The following L3MBTL4 variants were observed in gnomAD, a reference collection of about 807,000 sequenced individuals.
The protein encoded by L3MBTL4 is lethal(3)malignant brain tumor-like protein 4.
A neutral mutation model predicts 84.5 loss-of-function variants in L3MBTL4; 70 were observed. The observed-to-expected ratio is 0.83, with a 90% CI of 0.68 to 1.01. L3MBTL4 has a LOEUF of 1.01. Among genes scored for constraint, L3MBTL4 ranks in the 50% least tolerant of loss-of-function variants. The pLI, the probability that L3MBTL4 is intolerant of heterozygous loss-of-function variation, is 0.00. For missense variants in L3MBTL4, 715 were observed against 754.8 expected, an observed-to-expected ratio of 0.95 and a Z score of 0.62; for synonymous variants, 274 against 259.8, an observed-to-expected ratio of 1.05 and a Z score of -0.52.
At chr18:5,967,034 G>T (rs529196884) in intron 17 of L3MBTL4, among the ~76,000 whole-genome samples, 1 of 152,032 alleles carries the variant, frequency 6.6e-6, no homozygotes, top group African/African-American at 2.4e-5. Context: ...ACCTCTTCTC[G>T]TCTTATTCTC....
At chr18:6,012,560 C>T (rs1318457170) in intron 16 of L3MBTL4, among the ~76,000 whole-genome samples, 1 of 152,044 alleles carries the variant, frequency 6.6e-6, no homozygotes, top group Non-Finnish European at 1.5e-5. Context: ...CGCAGTGGCT[C>T]ATGCCTATAA....
chr18:6,326,023 G>T (rs77864888), intron 1 of L3MBTL4, among the ~76,000 whole-genome samples: 4,928 of 152,224 alleles, frequency 0.032, 212 homozygotes, highest in African/African-American at 0.1. Context: ...AGAAGATAGG[G>T]TGCATGCACT....
chr18:6,193,328 C>T (rs560337741), intron 12 of L3MBTL4, among the ~76,000 whole-genome samples: 13 of 151,864 alleles, frequency 8.6e-5, no homozygotes, highest in Non-Finnish European at 8.8e-5. Flanking sequence ...CCTATAAATA[C>T]GAGGAATAGT....
chr18:5,973,804 C>T (rs1346905406), intron 16 of L3MBTL4, among the ~76,000 whole-genome samples: 1 of 152,178 alleles, frequency 6.6e-6, no homozygotes, highest in African/African-American at 2.4e-5. Context: ...GCCCTGTTTC[C>T]ACCTAACACA....
chr18:5,987,529 C>A (rs1463918078), intron 16 of L3MBTL4, among the ~76,000 whole-genome samples: 3 of 152,238 alleles, frequency 2.0e-5, no homozygotes, highest in Admixed American at 6.5e-5. Flanking sequence ...CTACAACGAG[C>A]AACACAGATA....
intron 16 of L3MBTL4, among the ~76,000 whole-genome samples, chr18:6,053,105 A>G (rs1255029198): frequency 4.6e-5 from 7 of 152,240 alleles, no homozygotes; most frequent in Non-Finnish European, 8.8e-5. Flanking sequence ...ATGCATTTCC[A>G]GCTAGTGTTG....
rs1461452807 is a variant in L3MBTL4 at position 6,163,292 on chromosome 18, TGTGTGTGTGTGTGTGG to T, written c.1096+8520_1096+8535del. 3.0e-3 allele frequency among the ~76,000 whole-genome samples: 384 copies of T among 129,260 alleles called. 3 individuals carry two copies. The highest frequency in any genetic ancestry group is 0.012 in the African/African-American group (368 of 30,616). The allele number at this position is 129,260 out of a possible 152,430, so 84.8% of individuals were successfully genotyped here. A position where few individuals can be genotyped will look rare whatever the true frequency, so the allele number is the denominator to read the frequency against. On this transcript the variant is annotated intron_variant, in intron 13 of 18. Coordinates refer to ENST00000317931, the MANE Select transcript of L3MBTL4 (RefSeq NM_001330559.2). ...GGGTGGGTGTGTGTGTGTGTGTGTGTGTGTGTGTGTGTGTGGGTGGGTGTGTATTTTTGCTTTCACA... is the reference window on the plus strand; with the variant it reads ...GGGTGGGTGTGTGTGTGTGTGTGTGTGTGGGTGTGTATTTTTGCTTTCACA...
chr18:6,199,516 A>G (rs1282241034), intron 12 of L3MBTL4, among the ~76,000 whole-genome samples: 1 of 152,204 alleles, frequency 6.6e-6, no homozygotes, highest in Non-Finnish European at 1.5e-5. Flanking sequence ...GGATTACTGT[A>G]TAGAGACCAC....
In L3MBTL4 at chr18:6,238,071, G is replaced by A. The variant is rs375519233; in HGVS notation, c.708-31C>T. On this transcript the variant is annotated intron_variant, in intron 9 of 18. Coordinates refer to ENST00000317931, the MANE Select transcript of L3MBTL4 (RefSeq NM_001330559.2). ...AAAACAGAGCTCTATATTACGTTCCGTTTTACTTCATGCCAGAGAAAGAAT... is the reference window on the plus strand; with the variant it reads ...AAAACAGAGCTCTATATTACGTTCCATTTTACTTCATGCCAGAGAAAGAAT... 121 of 1,580,970 alleles carry A rather than the reference G, an allele frequency of 7.7e-5. No homozygotes were observed. The African/African-American group carries it at 1.2e-3, about 16-fold the overall frequency.
At chr18:6,244,096 GA>G (rs1267195796) in intron 6 of L3MBTL4, among the ~76,000 whole-genome samples, 2 of 152,038 alleles carry the variant, frequency 1.3e-5, no homozygotes, top group Admixed American at 1.3e-4. Flanking sequence ...TTCATAAAGT[GA>G]ATGTATTTAT....
intron 16 of L3MBTL4, among the ~76,000 whole-genome samples, chr18:6,026,522 C>T (rs911480883): frequency 6.6e-6 from 1 of 152,176 alleles, no homozygotes. Context: ...CTAAAGACAG[C>T]AGGTGATTAA....
intron 16 of L3MBTL4, among the ~76,000 whole-genome samples, chr18:5,974,983 T>TAAA (rs144190216): frequency 1.4e-4 from 21 of 151,192 alleles, no homozygotes; most frequent in South Asian, 4.2e-4. Context: ...TTTTTTTTTT[T>TAAA]AAAAAGAGGA....
In L3MBTL4 at chr18:6,375,405, G is replaced by A. The variant is rs537087593; in HGVS notation, c.-91+39396C>T. On this transcript the variant is annotated intron_variant, in intron 1 of 18. Coordinates refer to ENST00000317931, the MANE Select transcript of L3MBTL4 (RefSeq NM_001330559.2). ...ACTGTGCTACAACCTGACTTTGTGC[G>A]CTCTCTTCTCACCTCCTACCTGGAG... Among the ~76,000 whole-genome samples the A allele has an allele frequency of 4.6e-5, 7 of 152,116 alleles. No homozygotes were observed. In the South Asian group the frequency reaches 6.2e-4, roughly 14 times the overall value.
intron 12 of L3MBTL4, among the ~76,000 whole-genome samples, chr18:6,175,839 G>T (rs1401328768): frequency 2.0e-5 from 3 of 151,656 alleles, no homozygotes; most frequent in South Asian, 2.1e-4. Context: ...GCAAGAGAAA[G>T]AAATATTAAT....
At chr18:6,203,717 A>G (rs935098009) in intron 12 of L3MBTL4, among the ~76,000 whole-genome samples, 3 of 152,184 alleles carry the variant, frequency 2.0e-5, no homozygotes, top group Non-Finnish European at 2.9e-5. Context: ...TTCAGTGCAC[A>G]TACAAACCAG....
intron 1 of L3MBTL4, among the ~76,000 whole-genome samples, chr18:6,358,343 G>A (rs570856860): frequency 4.1e-4 from 62 of 152,238 alleles, no homozygotes; most frequent in East Asian, 7.7e-4. Context: ...ACAAGGTCAC[G>A]CAGCTAGCTG....
chr18:6,288,131 T>C (rs1220755817), intron 4 of L3MBTL4, among the ~76,000 whole-genome samples: 1 of 152,250 alleles, frequency 6.6e-6, no homozygotes, highest in Non-Finnish European at 1.5e-5. Context: ...TATTATAAAC[T>C]GGTGAGTGTA....
chr18:6,068,927 C>T, intron 16 of L3MBTL4, among the ~76,000 whole-genome samples: 1 of 152,308 alleles, frequency 6.6e-6, no homozygotes, highest in African/African-American at 2.4e-5. Context: ...TCCCCCTTCC[C>T]CTAGGAATGA....
intron 16 of L3MBTL4, among the ~76,000 whole-genome samples, chr18:5,985,719 C>T (rs375078479): frequency 6.6e-6 from 1 of 152,124 alleles, no homozygotes; most frequent in Non-Finnish European, 1.5e-5. Context: ...ATTTACCTAC[C>T]TACCTGGGAG....
Sources: allele counts gnomAD v4.1 joint callset (sites outside exome capture counted in the v4.1 genomes callset), GRCh38; gene constraint gnomAD v4.1.1; transcripts MANE v1.5; gene names NCBI Gene and HGNC (gene_info 2026-07-23, HGNC 2026-07-21).